Variants in MALRD1 observed in about 807,000 individuals in gnomAD.
MALRD1 encodes the protein MAM and LDL receptor class A domain containing 1.
MALRD1 carries 247 observed loss-of-function variants against 242.1 expected under a neutral mutation model. That is an observed-to-expected ratio of 1.02 (90% confidence interval 0.92 to 1.13). MALRD1 has a LOEUF of 1.13. Ranked by LOEUF, MALRD1 falls within the 50% of genes most tolerant of loss-of-function variation. The pLI is 0.00. For synonymous variants in MALRD1, 995 were observed against 866.6 expected, an observed-to-expected ratio of 1.15 and a Z score of -2.60; for missense variants, 2,989 against 2,533.1, an observed-to-expected ratio of 1.18 and a Z score of -3.86.
chr10:19,204,889 C>A lies in MALRD1; in HGVS notation c.2211-9C>A. The A allele has an allele frequency of 6.5e-7, 1 of 1,528,444 alleles. No individual in the cohort carries two copies. The highest frequency in any genetic ancestry group is 8.8e-7 in the Non-Finnish European group (1 of 1,134,690). 94.7% of individuals were successfully genotyped at this position (1,528,444 alleles called of 1,614,324 possible). A position where few individuals can be genotyped will look rare whatever the true frequency, so the allele number is the denominator to read the frequency against. On this transcript the variant is annotated splice_polypyrimidine_tract_variant and intron_variant, in intron 16 of 39. Transcript: ENST00000454679. The stretch of plus-strand genomic sequence containing the variant: ...ATCACTTCCATTTCTTACGTTTACT[C>A]TTTTTTAGGTTCTATAACTATGGCC...
intron 4 of MALRD1, among the ~76,000 whole-genome samples, chr10:19,095,248 G>A (rs1468495239): frequency 1.3e-5 from 2 of 152,134 alleles, no homozygotes; most frequent in Non-Finnish European, 2.9e-5. Flanking sequence ...ATAAGATATA[G>A]GAATGGCATA....
In MALRD1 at chr10:19,076,291, T is replaced by A. The variant is rs563488307; in HGVS notation, c.340+9432T>A. 3.3e-4 allele frequency among the ~76,000 whole-genome samples: 50 copies of A among 152,098 alleles called. 1 individual carries two copies. The South Asian group carries it at 9.7e-3, about 30-fold the overall frequency. On this transcript the variant is annotated intron_variant, in intron 2 of 39. Coordinates refer to ENST00000454679, the MANE Select transcript of MALRD1 (RefSeq NM_001142308.3). ...TATCTATCTATCTATCATCTATCTA[T>A]CTACCTATCTTCCATCTATCTATGT...
At chr10:19,316,782 G>C (rs1012470351) in intron 21 of MALRD1, among the ~76,000 whole-genome samples, 1 of 151,870 alleles carries the variant, frequency 6.6e-6, no homozygotes, top group Non-Finnish European at 1.5e-5. Context: ...GAGAAGGGTA[G>C]TATGGGGAGC....
chr10:19,083,743 A>T (rs1265677312), intron 2 of MALRD1, among the ~76,000 whole-genome samples: 1 of 151,918 alleles, frequency 6.6e-6, no homozygotes, highest in Non-Finnish European at 1.5e-5. Flanking sequence ...CTATTTTTCA[A>T]AGTTAAATGT....
intron 28 of MALRD1, among the ~76,000 whole-genome samples, chr10:19,414,481 C>G (rs148918936): frequency 1.6e-4 from 25 of 152,186 alleles, no homozygotes; most frequent in African/African-American, 5.8e-4. Context: ...GATGATCAAC[C>G]TAGTTTTGGA....
intron 36 of MALRD1, among the ~76,000 whole-genome samples, chr10:19,655,528 G>GTATA (rs1491324992): frequency 1.3e-4 from 13 of 102,942 alleles, no homozygotes; most frequent in African/African-American, 4.3e-4. Context: ...ATATGTGTGA[G>GTATA]TGTATATATA....
chr10:19,321,184 C>T (rs1203947149), intron 21 of MALRD1, among the ~76,000 whole-genome samples: 5 of 152,000 alleles, frequency 3.3e-5, no homozygotes, highest in Non-Finnish European at 7.4e-5. Context: ...TGATTAAGTC[C>T]TGCACCTCTG....
chr10:19,547,785 CATATATATATAT>C (rs1160775136), intron 32 of MALRD1, among the ~76,000 whole-genome samples: 177 of 16,200 alleles, frequency 0.011, 6 homozygotes, highest in East Asian at 0.024. Context: ...TTCACAGATA[CATATATATATAT>C]ATATATATAT....
At chr10:19,194,478 C>T (rs1343776630) in intron 14 of MALRD1, among the ~76,000 whole-genome samples, 1 of 152,062 alleles carries the variant, frequency 6.6e-6, no homozygotes, top group African/African-American at 2.4e-5. Context: ...TCATTATTCC[C>T]AGTTTCTAAA....
intron 4 of MALRD1, among the ~76,000 whole-genome samples, chr10:19,101,479 G>A (rs1456262385): frequency 5.2e-5 from 7 of 134,314 alleles, no homozygotes; most frequent in African/African-American, 1.9e-4. Flanking sequence ...ATTAATACTT[G>A]TATATTATAT....
chr10:19,143,293 A>G (rs1000467893), intron 10 of MALRD1, among the ~76,000 whole-genome samples: 1 of 152,240 alleles, frequency 6.6e-6, no homozygotes, highest in East Asian at 1.9e-4. Context: ...GACTAGCTCA[A>G]TTATGAAGAG....
intron 36 of MALRD1, among the ~76,000 whole-genome samples, chr10:19,622,209 G>T (rs1173596857): frequency 6.8e-6 from 1 of 147,582 alleles, no homozygotes; most frequent in Non-Finnish European, 1.5e-5. Context: ...AAGTTATCAT[G>T]ATGGTATACA....
chr10:19,487,367 A>T (rs1041635), intron 29 of MALRD1, among the ~76,000 whole-genome samples: 122,058 of 151,104 alleles, frequency 0.81, 49,661 homozygotes, highest in East Asian at 1. Flanking sequence ...TTATTTGTTT[A>T]TTTTTCTTTG....
intron 34 of MALRD1, among the ~76,000 whole-genome samples, chr10:19,601,562 C>G (rs1477410173): frequency 6.6e-6 from 1 of 151,980 alleles, no homozygotes; most frequent in African/African-American, 2.4e-5. Flanking sequence ...AAGCCAAAGT[C>G]AGTTTTTAAC....
chr10:19,085,296 A>T (rs1260003753), intron 2 of MALRD1, among the ~76,000 whole-genome samples: 1 of 151,946 alleles, frequency 6.6e-6, no homozygotes, highest in East Asian at 1.9e-4. Context: ...AAAGCCAGGG[A>T]ACTTTCTATG....
chr10:19,212,116 AT>A, intron 18 of MALRD1, among the ~76,000 whole-genome samples: 2 of 152,260 alleles, frequency 1.3e-5, no homozygotes, highest in South Asian at 4.1e-4. Flanking sequence ...TACAAGCTTT[AT>A]TTTGTATAAC....
At chr10:19,551,512 G>A (rs181983444) in intron 32 of MALRD1, among the ~76,000 whole-genome samples, 4 of 152,108 alleles carry the variant, frequency 2.6e-5, no homozygotes, top group African/African-American at 7.2e-5. Flanking sequence ...CACTGAGACA[G>A]TGGGGTTTTC....
At chr10:19,613,034 A>G (rs759820384) in intron 35 of MALRD1, among the ~76,000 whole-genome samples, 1 of 150,896 alleles carries the variant, frequency 6.6e-6, no homozygotes, top group Non-Finnish European at 1.5e-5. Flanking sequence ...TAAAATTTCT[A>G]GTTCTCTATT....
chr10:19,707,404 AG>A (rs1244352929), intron 38 of MALRD1, among the ~76,000 whole-genome samples: 35 of 152,210 alleles, frequency 2.3e-4, no homozygotes, highest in African/African-American at 8.0e-4. Flanking sequence ...GGTTCCTGCT[AG>A]GGCCCTAACT....
Sources: gnomAD v4.1 joint callset for allele counts (sites outside exome capture counted in the v4.1 genomes callset) on GRCh38, gnomAD v4.1.1 for gene constraint, MANE v1.5 for transcripts, NCBI Gene and HGNC (gene_info 2026-07-23, HGNC 2026-07-21) for gene names.